DNAH8: variants seen among roughly 807,000 people sequenced by gnomAD.
The protein encoded by DNAH8 is axonemal beta dynein heavy chain 8.
A neutral mutation model predicts 562.1 loss-of-function variants in DNAH8; 382 were observed. That is an observed-to-expected ratio of 0.68 (90% confidence interval 0.63 to 0.74). The LOEUF is 0.74. DNAH8 is among the 30% of genes least tolerant of loss of function. DNAH8 has a pLI of 0.00. For synonymous variants in DNAH8, 1,881 were observed against 1,919.4 expected (o/e 0.98, Z 0.52); for missense variants, 5,203 against 5,620.4 (o/e 0.93, Z 2.37).
At chr6:38,817,273 A>G (rs1678696) in intron 26 of DNAH8, among the ~76,000 whole-genome samples, 75,133 of 152,008 alleles carry the variant, frequency 0.49, 19,554 homozygotes, top group East Asian at 0.7. Flanking sequence ...TGAACCAGAG[A>G]CAGAGGTTGC....
intron 31 of DNAH8, 74 bp downstream of exon 31, chr6:38,832,509 C>T (rs1773927106): frequency 1.1e-6 from 1 of 925,006 alleles, no homozygotes; most frequent in Non-Finnish European, 1.7e-6. Context: ...GTGATGAACC[C>T]TGAGGAATAG....
At chr6:38,831,450 A>G (rs971394381) in intron 30 of DNAH8, among the ~76,000 whole-genome samples, 2 of 145,196 alleles carry the variant, frequency 1.4e-5, no homozygotes, top group Non-Finnish European at 3.0e-5. Flanking sequence ...AAAAAAAAAA[A>G]GAAAAAAGAA....
chr6:38,971,820 G>A, intron 83 of DNAH8, 155 bp downstream of exon 83: 1 of 475,672 alleles, frequency 2.1e-6, no homozygotes, highest in South Asian at 6.2e-5. Flanking sequence ...GTTTCCTCCT[G>A]ATATTCGCAT....
At chr6:38,795,031 A>G (rs936240483) in intron 21 of DNAH8, among the ~76,000 whole-genome samples, 7 of 152,210 alleles carry the variant, frequency 4.6e-5, no homozygotes, top group South Asian at 2.1e-4. Flanking sequence ...TTTGATTGAA[A>G]TATCTCTTTA....
At chr6:38,741,458 C>A (rs1404794431) in intron 7 of DNAH8, among the ~76,000 whole-genome samples, 13 of 133,748 alleles carry the variant, frequency 9.7e-5, no homozygotes, top group African/African-American at 3.2e-4. Flanking sequence ...ACCTCCCCCC[C>A]GACCAAAAAA....
At chr6:38,744,583 A>G (rs1325324036) in intron 8 of DNAH8, among the ~76,000 whole-genome samples, 1 of 149,532 alleles carries the variant, frequency 6.7e-6, no homozygotes, top group Admixed American at 6.6e-5. Context: ...GTACTGATTT[A>G]TAGGAGTTCT....
intron 79 of DNAH8, among the ~76,000 whole-genome samples, chr6:38,944,954 C>G (rs1373265249): frequency 6.6e-6 from 1 of 151,712 alleles, no homozygotes; most frequent in African/African-American, 2.4e-5. Flanking sequence ...CCTTCCTTAA[C>G]CCTAACCCCA....
Position 38,847,157 on chromosome 6 carries a change from TG to T in DNAH8, c.5045+1386del, listed in dbSNP as rs1376181800. 2.0e-5 allele frequency among the ~76,000 whole-genome samples: 3 copies of T among 152,122 alleles called. 1 individual carries two copies. Among genetic ancestry groups the T allele is most frequent in the Admixed American group, 2.0e-4 (3 of 15,238 alleles). On this transcript the variant is annotated intron_variant, in intron 36 of 92. Transcript: ENST00000327475. ...TGCCTGGATTGTGACACTTCCCTGG[TG>T]GATCCCTGATTCCATGGGACTTCAT...
chr6:38,930,632 A>G (rs889005851), intron 75 of DNAH8, among the ~76,000 whole-genome samples: 3 of 152,152 alleles, frequency 2.0e-5, no homozygotes, highest in Admixed American at 1.3e-4. Flanking sequence ...TCTCTTTTTC[A>G]TAAAAAGAAG....
At chr6:38,821,014 A>G (rs1423042511) in intron 26 of DNAH8, among the ~76,000 whole-genome samples, 3 of 152,210 alleles carry the variant, frequency 2.0e-5, no homozygotes, top group Non-Finnish European at 4.4e-5. Flanking sequence ...ACTAAATTGA[A>G]GATACACAGA....
At chr6:38,783,764 A>G (rs1768873880) in intron 17 of DNAH8, among the ~76,000 whole-genome samples, 1 of 152,192 alleles carries the variant, frequency 6.6e-6, no homozygotes. Flanking sequence ...TGGTCAGTTC[A>G]GATTCCTGCT....
intron 92 of DNAH8, among the ~76,000 whole-genome samples, chr6:39,029,333 T>C (rs937254920): frequency 3.9e-5 from 6 of 152,082 alleles, no homozygotes; most frequent in African/African-American, 1.2e-4. Flanking sequence ...ATCAAGGCCA[T>C]CCCCTCTACA....
At chr6:38,961,565 C>G (rs1041464934) in intron 82 of DNAH8, among the ~76,000 whole-genome samples, 4 of 151,956 alleles carry the variant, frequency 2.6e-5, no homozygotes, top group African/African-American at 7.2e-5. Flanking sequence ...TAAGAAATCT[C>G]ATCACAACAA....
chr6:38,931,138 A>G (rs1294877105), intron 75 of DNAH8, among the ~76,000 whole-genome samples: 1 of 152,162 alleles, frequency 6.6e-6, no homozygotes, highest in Non-Finnish European at 1.5e-5. Flanking sequence ...TTAGAATGTG[A>G]TGGTGGCCTT....
In DNAH8 at chr6:38,971,577, T is replaced by C; in HGVS notation, c.12452-15T>C. The stretch of plus-strand genomic sequence containing the variant: ...AGTTGTGTTTCATCATAGTGAACTT[T>C]CTCCTATGTTACAGAATGTAGAACT... On this transcript the variant is annotated splice_polypyrimidine_tract_variant and intron_variant, in intron 82 of 92. Coordinates refer to ENST00000327475, the MANE Select transcript of DNAH8 (RefSeq NM_001206927.2). 6.6e-7 allele frequency: 1 copy of C among 1,505,256 alleles called. No individual in the cohort carries two copies. Among genetic ancestry groups the C allele is most frequent in the Non-Finnish European group, 8.9e-7 (1 of 1,120,868 alleles). The allele number at this position is 1,505,256 out of a possible 1,614,324, so 93.2% of individuals were successfully genotyped here.
At chr6:38,883,176 G>C in intron 54 of DNAH8, 124 bp downstream of exon 54, 1 of 1,328,296 alleles carries the variant, frequency 7.5e-7, no homozygotes, top group South Asian at 1.6e-5. Flanking sequence ...AATACAACTG[G>C]GACTTATTTT....
chr6:38,730,623 T>A (rs894010209), intron 4 of DNAH8, among the ~76,000 whole-genome samples: 2 of 152,214 alleles, frequency 1.3e-5, no homozygotes, highest in Non-Finnish European at 2.9e-5. Flanking sequence ...AACCAGTATC[T>A]CTGTAATCAG....
intron 85 of DNAH8, among the ~76,000 whole-genome samples, chr6:38,981,783 A>C (rs1001407062): frequency 6.6e-6 from 1 of 152,182 alleles, no homozygotes; most frequent in Non-Finnish European, 1.5e-5. Context: ...CTTTTTTTAA[A>C]ACCCAAGAAC....
At chr6:38,993,449 T>C (rs546707776) in intron 88 of DNAH8, among the ~76,000 whole-genome samples, 13 of 151,870 alleles carry the variant, frequency 8.6e-5, no homozygotes, top group East Asian at 1.9e-4. Flanking sequence ...AGGGTTTTTT[T>C]CCCCCACATA....
Sources: allele counts gnomAD v4.1 joint callset (sites outside exome capture counted in the v4.1 genomes callset), GRCh38; gene constraint gnomAD v4.1.1; transcripts MANE v1.5; gene names NCBI Gene and HGNC (gene_info 2026-07-23, HGNC 2026-07-21).